The following PCDH15 variants were observed in gnomAD, a reference collection of about 807,000 sequenced individuals.
PCDH15 encodes the protein protocadherin-15.
A neutral mutation model predicts 178.5 loss-of-function variants in PCDH15; 129 were observed. The observed-to-expected ratio is 0.72, with a 90% CI of 0.63 to 0.84. PCDH15 has a LOEUF of 0.84. PCDH15 is among the 40% of genes least tolerant of loss of function. The probability of loss-of-function intolerance (pLI) is 0.00; values close to 1 mark genes in which losing one functional copy is unlikely to be tolerated. For synonymous variants in PCDH15, 800 were observed against 732.0 expected (o/e 1.09, Z -1.50); for missense variants, 2,230 against 2,099.9 (o/e 1.06, Z -1.21).
chr10:55,585,212 G>A (rs777256188), intron 2 of PCDH15, among the ~76,000 whole-genome samples: 1 of 152,022 alleles, frequency 6.6e-6, no homozygotes, highest in East Asian at 1.9e-4. Context: ...CACTCTTCCT[G>A]GGGGTAAAAA....
chr10:54,771,776 A>G (rs1949118339), intron 1 of PCDH15, among the ~76,000 whole-genome samples: 1 of 152,156 alleles, frequency 6.6e-6, no homozygotes, highest in Non-Finnish European at 1.5e-5. Context: ...GGTTTGATTT[A>G]TATTCACACT....
At chr10:55,442,968 TAGAG>T (rs2132071530) in intron 2 of PCDH15, among the ~76,000 whole-genome samples, 1 of 152,194 alleles carries the variant, frequency 6.6e-6, no homozygotes, top group African/African-American at 2.4e-5. Flanking sequence ...CTAGGATAAA[TAGAG>T]AATTTAACTT....
In PCDH15 at chr10:54,331,005, AG is replaced by A. The variant is rs534354695; in HGVS notation, c.595-1300del. 5.6e-3 allele frequency among the ~76,000 whole-genome samples: 853 copies of A among 151,838 alleles called. 7 individuals are homozygous for A. Among genetic ancestry groups the A allele is most frequent in the African/African-American group, 0.02 (828 of 41,456 alleles). On this transcript the variant is annotated intron_variant, in intron 6 of 37. Coordinates refer to ENST00000644397, the MANE Select transcript of PCDH15 (RefSeq NM_001384140.1). ...GAAAGAAAAATGAGAGGAAAAGGCA[AG>A]GGGAAGGAGAAGAGAAAGGGAAGGG...
chr10:54,306,350 C>CAG (rs1006016003), intron 8 of PCDH15, among the ~76,000 whole-genome samples: 4 of 151,736 alleles, frequency 2.6e-5, no homozygotes, highest in East Asian at 1.9e-4. Flanking sequence ...GTATGTTTCT[C>CAG]AGAGAGAGAG....
chr10:53,993,726 G>A (rs754590673), intron 21 of PCDH15, among the ~76,000 whole-genome samples: 1 of 152,074 alleles, frequency 6.6e-6, no homozygotes, highest in Non-Finnish European at 1.5e-5. Flanking sequence ...CTTAGGATTC[G>A]TGTAGGTGCA....
intron 2 of PCDH15, among the ~76,000 whole-genome samples, chr10:54,562,408 T>C (rs2088310042): frequency 6.6e-6 from 1 of 152,122 alleles, no homozygotes; most frequent in African/African-American, 2.4e-5. Context: ...TCAATATTGA[T>C]ATCAAGAAAT....
intron 2 of PCDH15, among the ~76,000 whole-genome samples, chr10:54,965,787 C>A (rs1215151868): frequency 6.6e-6 from 1 of 150,670 alleles, no homozygotes; most frequent in African/African-American, 2.4e-5. Flanking sequence ...ATAAAATAAA[C>A]TAATTAATAT....
chr10:55,253,540 T>C (rs1841902381), intron 1 of PCDH15, among the ~76,000 whole-genome samples: 1 of 152,186 alleles, frequency 6.6e-6, no homozygotes, highest in Admixed American at 6.5e-5. Flanking sequence ...TTATTGAGAA[T>C]GTAACTTTAC....
At chr10:54,972,184 G>GACA (rs1838950926) in intron 2 of PCDH15, among the ~76,000 whole-genome samples, 1 of 152,142 alleles carries the variant, frequency 6.6e-6, no homozygotes, top group African/African-American at 2.4e-5. Context: ...ATGACTTTGT[G>GACA]ACAATCTAAG....
chr10:54,091,454 G>T (rs529714898), intron 15 of PCDH15, among the ~76,000 whole-genome samples: 2 of 152,102 alleles, frequency 1.3e-5, no homozygotes, highest in Non-Finnish European at 2.9e-5. Flanking sequence ...AGGCAGGAAC[G>T]TATTGTTCTT....
intron 2 of PCDH15, among the ~76,000 whole-genome samples, chr10:54,967,870 T>G (rs975846021): frequency 6.6e-6 from 1 of 152,180 alleles, no homozygotes; most frequent in Non-Finnish European, 1.5e-5. Context: ...TGTCCTCACA[T>G]GGACTTTCTT....
intron 2 of PCDH15, among the ~76,000 whole-genome samples, chr10:54,955,678 A>T (rs556760457): frequency 9.9e-5 from 15 of 151,434 alleles, no homozygotes; most frequent in South Asian, 2.1e-4. Flanking sequence ...ATAATCAAAA[A>T]TATAATTTCA....
intron 3 of PCDH15, among the ~76,000 whole-genome samples, chr10:54,837,348 C>A (rs891839385): frequency 1.3e-5 from 2 of 152,006 alleles, no homozygotes; most frequent in Non-Finnish European, 2.9e-5. Context: ...GGACACATGT[C>A]CCCATATACA....
intron 2 of PCDH15, among the ~76,000 whole-genome samples, chr10:55,406,520 G>A (rs936873146): frequency 6.6e-6 from 1 of 152,108 alleles, no homozygotes; most frequent in Non-Finnish European, 1.5e-5. Flanking sequence ...CAGGGTACTG[G>A]GACTGAGCAT....
At chr10:54,712,815 A>G (rs2095439879) in intron 1 of PCDH15, among the ~76,000 whole-genome samples, 1 of 152,072 alleles carries the variant, frequency 6.6e-6, no homozygotes, top group Non-Finnish European at 1.5e-5. Flanking sequence ...TATGAGTTAT[A>G]GCAAGATTCA....
chr10:55,348,551 A>G (rs1179523991), intron 2 of PCDH15, among the ~76,000 whole-genome samples: 1 of 152,162 alleles, frequency 6.6e-6, no homozygotes, highest in Non-Finnish European at 1.5e-5. Flanking sequence ...ACACACAAAC[A>G]TAGTGTTTTA....
At chr10:55,171,608 C>T (rs959653145) in intron 1 of PCDH15, among the ~76,000 whole-genome samples, 5 of 152,196 alleles carry the variant, frequency 3.3e-5, no homozygotes, top group Admixed American at 2.0e-4. Flanking sequence ...TCCTACTCTG[C>T]TATTTGGCAT....
At chr10:54,431,018 G>A (rs1209411438) in intron 3 of PCDH15, among the ~76,000 whole-genome samples, 1 of 151,876 alleles carries the variant, frequency 6.6e-6, no homozygotes, top group Non-Finnish European at 1.5e-5. Flanking sequence ...TAGAGGAAAT[G>A]GATAAGTTCC....
At chr10:54,881,756 A>G (rs1954266332) in intron 3 of PCDH15, among the ~76,000 whole-genome samples, 1 of 152,162 alleles carries the variant, frequency 6.6e-6, no homozygotes, top group African/African-American at 2.4e-5. Context: ...ATTAGATAAT[A>G]AATTGAAATC....
Sources: allele counts gnomAD v4.1 joint callset (sites outside exome capture counted in the v4.1 genomes callset), GRCh38; gene constraint gnomAD v4.1.1; transcripts MANE v1.5; gene names NCBI Gene and HGNC (gene_info 2026-07-23, HGNC 2026-07-21).